The following PDE9A variants were observed in gnomAD, a reference collection of about 807,000 sequenced individuals.
PDE9A encodes the protein phosphodiesterase 9A, also known as high affinity cGMP-specific 3',5'-cyclic phosphodiesterase 9A.
PDE9A carries 60 observed loss-of-function variants against 87.4 expected under a neutral mutation model. That is an observed-to-expected ratio of 0.69 (90% CI 0.56 to 0.85). The LOEUF (loss-of-function observed/expected upper bound fraction) is 0.85, where lower values mean the gene tolerates loss of function less well. Ranked by LOEUF, PDE9A falls within the 40% of genes least tolerant of loss-of-function variation. The probability of loss-of-function intolerance (pLI) is 0.00; values close to 1 mark genes in which losing one functional copy is unlikely to be tolerated. For missense variants in PDE9A, 665 were observed against 779.0 expected, an observed-to-expected ratio of 0.85 and a Z score of 1.74; for synonymous variants, 272 against 279.4, an observed-to-expected ratio of 0.97 and a Z score of 0.27.
At chr21:42,690,372 C>T (rs540150978) in intron 3 of PDE9A, among the ~76,000 whole-genome samples, 15 of 152,006 alleles carry the variant, frequency 9.9e-5, no homozygotes, top group African/African-American at 3.1e-4. Context: ...ATCTAGACAG[C>T]GATGTGGAAA....
In PDE9A at chr21:42,759,702, CTGTG is replaced by C. The variant is rs1190461013; in HGVS notation, c.898-621_898-618del. ...GTGTATATCTGGATGTGGGGTGTGT[CTGTG>C]TGTGGGTGTGTGTGAGGGTGTGTGT... On this transcript the variant is annotated intron_variant, in intron 11 of 19. Coordinates refer to ENST00000291539, the MANE Select transcript of PDE9A (RefSeq NM_002606.3). This position sits in a 1 kb window ranked among gnomAD's most constrained non-coding sequence, Gnocchi z 7.2. 9.7e-5 allele frequency among the ~76,000 whole-genome samples: 13 copies of C among 133,648 alleles called. No homozygotes were observed. The highest frequency in any genetic ancestry group is 2.2e-4 in the East Asian group (1 of 4,478). 87.7% of individuals were successfully genotyped at this position (133,648 alleles called of 152,430 possible).
rs926449877 is a variant in PDE9A at position 42,660,360 on chromosome 21, C to T, written c.69+6477C>T. Among the ~76,000 whole-genome samples the T allele has an allele frequency of 2.0e-5, 3 of 152,116 alleles. No individual in the cohort carries two copies. The highest frequency in any genetic ancestry group is 1.3e-4 in the Admixed American group (2 of 15,276). On this transcript the variant is annotated intron_variant, in intron 1 of 19. Coordinates refer to ENST00000291539, the MANE Select transcript of PDE9A (RefSeq NM_002606.3). The surrounding 1 kb of genome is among the most constrained non-coding windows in gnomAD (Gnocchi z 4.7). ...GGAGCAGGTGCGGGGCCTGCAGGGA[C>T]GGCTCGCAGAGAAGGCAGTTTGCGA...
intron 3 of PDE9A, among the ~76,000 whole-genome samples, chr21:42,698,189 A>G (rs190613687): frequency 6.6e-6 from 1 of 152,304 alleles, no homozygotes; most frequent in East Asian, 1.9e-4. Flanking sequence ...GTGGCAACCC[A>G]CACCCCACCA....
At position 42,775,402 on chromosome 21, in the gene PDE9A, C is replaced by T; in HGVS notation, c.*109C>T. 2.5e-6 allele frequency: 2 copies of T among 798,952 alleles called. No homozygotes were observed. The highest frequency in any genetic ancestry group is 2.2e-5 in the South Asian group (1 of 45,710). The allele number at this position is 798,952 out of a possible 1,614,324, so 49.5% of individuals were successfully genotyped here. Reference sequence around the variant, plus strand: ...ACCTGGCACCACAAGACCATGTTTTCTAAGAACCATTTTGTTCACTGATAC... The same window carrying T: ...ACCTGGCACCACAAGACCATGTTTTTTAAGAACCATTTTGTTCACTGATAC... On this transcript the variant is annotated 3_prime_UTR_variant, in exon 20 of 20. Coordinates refer to ENST00000291539, the MANE Select transcript of PDE9A (RefSeq NM_002606.3).
At chr21:42,689,604 A>T (rs2059675856) in intron 3 of PDE9A, 2 of 985,340 alleles carry the variant, frequency 2.0e-6, no homozygotes, top group South Asian at 9.4e-5. Flanking sequence ...AAGTCATTTG[A>T]AACAGCGTGC....
At chr21:42,714,552 G>A (rs927540155) in intron 4 of PDE9A, among the ~76,000 whole-genome samples, 3 of 148,134 alleles carry the variant, frequency 2.0e-5, no homozygotes, top group African/African-American at 5.1e-5. Flanking sequence ...AGTCTTTGTC[G>A]ATATGGTTGG....
Position 42,769,382 on chromosome 21 carries a change from C to G in PDE9A, c.1590+227C>G, listed in dbSNP as rs371868060. 3.2e-3 allele frequency among the ~76,000 whole-genome samples: 477 copies of G among 147,046 alleles called. 2 individuals are homozygous for G. The highest frequency in any genetic ancestry group is 0.011 in the African/African-American group (444 of 39,060). On this transcript the variant is annotated intron_variant, in intron 17 of 19. Transcript: ENST00000291539. The stretch of plus-strand genomic sequence containing the variant: ...AGGCACACACTTGTGCACACAGGTA[C>G]ACAGGCACACAAATGCACACACACG...
At chr21:42,756,525 G>C (rs1448436977) in intron 10 of PDE9A, among the ~76,000 whole-genome samples, 1 of 152,232 alleles carries the variant, frequency 6.6e-6, no homozygotes, top group Admixed American at 6.5e-5. Flanking sequence ...TCAGGCTGCT[G>C]TGTCCTCCCA....
chr21:42,724,603 C>T lies in PDE9A; in HGVS notation c.263-7167C>T, dbSNP rs1468765222. ...TATCTAAAGAGGCGGTTCCGTGAGC[C>T]CACTGTGCTGAGTCACATATATTCC... On this transcript the variant is annotated intron_variant, in intron 4 of 19. Coordinates refer to ENST00000291539, the MANE Select transcript of PDE9A (RefSeq NM_002606.3). The T allele has an allele frequency of 6.1e-6, 6 of 985,126 alleles. No individual in the cohort carries two copies. The African/African-American group carries it at 8.7e-5, about 14-fold the overall frequency. 61.0% of individuals were successfully genotyped at this position (985,126 alleles called of 1,614,324 possible).
chr21:42,713,441 A>C (rs916845158), intron 4 of PDE9A, among the ~76,000 whole-genome samples: 8 of 152,190 alleles, frequency 5.3e-5, no homozygotes, highest in African/African-American at 1.9e-4. Context: ...GCCGCTTTTC[A>C]TGTATTGCTA....
At chr21:42,682,583 C>A (rs187235023) in intron 1 of PDE9A, among the ~76,000 whole-genome samples, 1 of 152,232 alleles carries the variant, frequency 6.6e-6, no homozygotes, top group Non-Finnish European at 1.5e-5. Context: ...ATAAAAAGCT[C>A]TCCTCCAGAT....
chr21:42,770,198 G>A (rs1266515341), intron 17 of PDE9A, among the ~76,000 whole-genome samples: 2 of 151,304 alleles, frequency 1.3e-5, no homozygotes, highest in African/African-American at 4.9e-5. Flanking sequence ...GCTGCCTGTG[G>A]CCCCCTGCCA....
rs981539853 is a variant in PDE9A, at chr21:42,723,063, G to T, written c.263-8707G>T. Reference sequence around the variant, plus strand: ...AGCCGTGTGAACACCATGAGGCAGGGTGTCCATCCTGCCACCCACACAGCT... The same window carrying T: ...AGCCGTGTGAACACCATGAGGCAGGTTGTCCATCCTGCCACCCACACAGCT... On this transcript the variant is annotated intron_variant, in intron 4 of 19. Transcript: ENST00000291539. This position sits in a 1 kb window ranked among gnomAD's most constrained non-coding sequence, Gnocchi z 4.3. 6.6e-6 allele frequency among the ~76,000 whole-genome samples: 1 copy of T among 152,218 alleles called. No homozygotes were observed. Among genetic ancestry groups the T allele is most frequent in the South Asian group, 2.1e-4 (1 of 4,832 alleles).
chr21:42,699,895 T>C (rs2048251028), intron 4 of PDE9A, among the ~76,000 whole-genome samples: 2 of 152,318 alleles, frequency 1.3e-5, no homozygotes, highest in East Asian at 3.9e-4. Flanking sequence ...ATCACTTTTA[T>C]TTATGTGTGA....
At chr21:42,733,759 G>A (rs1289403290) in intron 7 of PDE9A, 3 of 321,662 alleles carry the variant, frequency 9.3e-6, no homozygotes, top group Non-Finnish European at 1.8e-5. Context: ...TGTAAATGAA[G>A]ACATTCTCTG....
In PDE9A at chr21:42,768,247, C is replaced by T. The variant is rs371853122; in HGVS notation, c.1416C>T (p.Val472=). Residue 472 remains valine (V), a synonymous_variant, in exon 16 of 20, where the codon GTC becomes GTT. Coordinates refer to ENST00000291539, the MANE Select transcript of PDE9A (RefSeq NM_002606.3). The part of the protein sequence containing the change: ...DISNEVRPME[V]AEPWVDCLLE... ...CTAACGAGGTCCGTCCAATGGAAGT[C>T]GCAGAGCCTTGGGTGGACTGTTTAT... The T allele has an allele frequency of 6.2e-6, 10 of 1,609,854 alleles. No homozygotes were observed. Among genetic ancestry groups the T allele is most frequent in the South Asian group, 3.3e-5 (3 of 90,990 alleles).
chr21:42,698,810 C>A, intron 3 of PDE9A, 158 bp from the exon 4 acceptor site: 2 of 492,646 alleles, frequency 4.1e-6, no homozygotes, highest in Non-Finnish European at 7.2e-6. Context: ...AGTAAGGAAG[C>A]TGAGAACAGT....
At chr21:42,728,678 T>C (rs972659267) in intron 4 of PDE9A, among the ~76,000 whole-genome samples, 1 of 152,180 alleles carries the variant, frequency 6.6e-6, no homozygotes, top group African/African-American at 2.4e-5. Context: ...CTTGTCTGCA[T>C]TTGGTATCAG....
chr21:42,759,669 G>A lies in PDE9A; in HGVS notation c.897+584G>A, dbSNP rs530323285. On this transcript the variant is annotated intron_variant, in intron 11 of 19. Coordinates refer to ENST00000291539, the MANE Select transcript of PDE9A (RefSeq NM_002606.3). The surrounding 1 kb of genome is among the most constrained non-coding windows in gnomAD (Gnocchi z 7.2). ...TGTGTCTGTGTGTGTCAGTGTGGAT[G>A]TGTGCATGTGTATATCTGGATGTGG... 5.2e-3 allele frequency among the ~76,000 whole-genome samples: 792 copies of A among 151,184 alleles called. 10 individuals are homozygous for A. The highest frequency in any genetic ancestry group is 0.018 in the African/African-American group (754 of 41,200).
Sources: gnomAD v4.1 joint callset for allele counts (sites outside exome capture counted in the v4.1 genomes callset) on GRCh38, gnomAD v4.1.1 for gene constraint, Gnocchi (gnomAD v3.1) non-coding constraint, MANE v1.5 for transcripts, NCBI Gene and HGNC (gene_info 2026-07-23, HGNC 2026-07-21) for gene names.